Variants in RNF17 observed in about 807,000 individuals in gnomAD.
The protein encoded by RNF17 is spermatogenesis associated 23.
A neutral mutation model predicts 200.5 loss-of-function variants in RNF17; 31 were observed. The ratio of observed to expected loss-of-function variants is 0.15; its 90% CI spans 0.12 to 0.21. The LOEUF is 0.21. Ranked by LOEUF, RNF17 falls within the 10% of genes least tolerant of loss-of-function variation. The pLI, the probability that RNF17 is intolerant of heterozygous loss-of-function variation, is 1.00. For synonymous variants in RNF17, 606 were observed against 637.8 expected (o/e 0.95, Z 0.75); for missense variants, 1,628 against 1,905.1 (o/e 0.85, Z 2.71).
intron 5 of RNF17, among the ~76,000 whole-genome samples, chr13:24,781,469 C>T (rs1882362562): frequency 6.6e-6 from 1 of 151,548 alleles, no homozygotes; most frequent in African/African-American, 2.4e-5. Flanking sequence ...TTGTTCCTCC[C>T]CACCACCAAA....
chr13:24,782,986 A>G (rs1246933350), intron 6 of RNF17, among the ~76,000 whole-genome samples: 1 of 152,130 alleles, frequency 6.6e-6, no homozygotes, highest in East Asian at 1.9e-4. Context: ...ATCTAACATC[A>G]TGATGCCTTT....
intron 31 of RNF17, 44 bp downstream of exon 31, chr13:24,868,760 G>T (rs1277383673): frequency 7.6e-6 from 8 of 1,052,238 alleles, no homozygotes; most frequent in Non-Finnish European, 1.2e-5. Context: ...AATGTAACAA[G>T]CTGTCTTGGT....
At chr13:24,780,993 G>A (rs1485793802) in intron 5 of RNF17, among the ~76,000 whole-genome samples, 1 of 152,134 alleles carries the variant, frequency 6.6e-6, no homozygotes, top group East Asian at 1.9e-4. Context: ...TCCACTATGA[G>A]CCTGTGAAAC....
chr13:24,787,121 A>T (rs1883214436), intron 6 of RNF17, among the ~76,000 whole-genome samples: 1 of 151,992 alleles, frequency 6.6e-6, no homozygotes. Context: ...GATTTTTTAA[A>T]ATTACAATTA....
At chr13:24,791,702 G>C (rs573491129) in intron 9 of RNF17, among the ~76,000 whole-genome samples, 10 of 152,152 alleles carry the variant, frequency 6.6e-5, no homozygotes, top group African/African-American at 2.2e-4. Flanking sequence ...AATTAGTCTG[G>C]CTCACAGTAT....
At chr13:24,749,672 A>G in the RNF17 span, among the ~76,000 whole-genome samples, 1 of 152,198 alleles carries the variant, frequency 6.6e-6, no homozygotes, top group African/African-American at 2.4e-5. Context: ...TGAGAACCCA[A>G]AAGCTAATGG....
At chr13:24,874,370 G>A (rs895679687) in intron 33 of RNF17, 121 bp downstream of exon 33, 26 of 789,628 alleles carry the variant, frequency 3.3e-5, no homozygotes, top group Non-Finnish European at 4.0e-5. Context: ...TATAAATTAG[G>A]AATTTTTTTC....
the RNF17 span, among the ~76,000 whole-genome samples, chr13:24,754,639 C>G: frequency 1.3e-5 from 2 of 152,102 alleles, no homozygotes; most frequent in Non-Finnish European, 2.9e-5. Context: ...ACCTGTAGTC[C>G]CGCACTTTGG....
intron 3 of RNF17, among the ~76,000 whole-genome samples, chr13:24,777,065 G>A (rs1881675527): frequency 6.6e-6 from 1 of 152,040 alleles, no homozygotes; most frequent in African/African-American, 2.4e-5. Context: ...TTTAGAAACT[G>A]CTATTCTCTA....
intron 3 of RNF17, 103 bp downstream of exon 3, chr13:24,775,007 C>A: frequency 1.4e-6 from 1 of 738,508 alleles, no homozygotes. Context: ...CATTTCTAAC[C>A]TACTGTTTAT....
intron 15 of RNF17, among the ~76,000 whole-genome samples, chr13:24,820,423 T>TTTTGA (rs1887913415): frequency 6.7e-6 from 1 of 149,736 alleles, no homozygotes; most frequent in South Asian, 2.1e-4. Context: ...CACCTGGCCT[T>TTTTGA]TTTGTTTTGT....
intron 15 of RNF17, among the ~76,000 whole-genome samples, chr13:24,811,658 C>T (rs1024432671): frequency 5.3e-5 from 8 of 152,170 alleles, no homozygotes; most frequent in East Asian, 1.9e-4. Context: ...AGTCATTCTC[C>T]GTCCCGCTTT....
chr13:24,804,220 A>T, intron 14 of RNF17, 68 bp from the exon 15 acceptor site: 2 of 1,428,398 alleles, frequency 1.4e-6, no homozygotes, highest in Non-Finnish European at 1.9e-6. Flanking sequence ...CCATGATAGC[A>T]CCACTGCACT....
At chr13:24,809,604 T>C (rs1321903196) in intron 15 of RNF17, among the ~76,000 whole-genome samples, 1 of 152,078 alleles carries the variant, frequency 6.6e-6, no homozygotes, top group African/African-American at 2.4e-5. Flanking sequence ...CCTGGATTCA[T>C]TAATTTTTTG....
intron 10 of RNF17, among the ~76,000 whole-genome samples, chr13:24,795,924 C>A (rs1279504389): frequency 6.6e-6 from 1 of 152,166 alleles, no homozygotes; most frequent in Non-Finnish European, 1.5e-5. Flanking sequence ...GAAGTATTTG[C>A]AGTTCAGGTT....
Position 24,773,538 on chromosome 13 carries a change from G to A in RNF17, c.226-1275G>A, listed in dbSNP as rs968067209. Among the ~76,000 whole-genome samples, 12 of 152,126 alleles carry A rather than the reference G, an allele frequency of 7.9e-5. 1 individual carries two copies. The highest frequency in any genetic ancestry group is 1.6e-4 in the Non-Finnish European group (11 of 68,026). On this transcript the variant is annotated intron_variant, in intron 2 of 35. Coordinates refer to ENST00000255324, the MANE Select transcript of RNF17 (RefSeq NM_031277.3). Reference sequence around the variant, plus strand: ...CATAAACGTGGAAACAGTAGACACTGGGGACTGCTAGAGAGAGGAGGGGAG... The same window carrying A: ...CATAAACGTGGAAACAGTAGACACTAGGGACTGCTAGAGAGAGGAGGGGAG...
chr13:24,885,331 T>C, the RNF17 span: 2 of 1,613,878 alleles, frequency 1.2e-6, no homozygotes, highest in Non-Finnish European at 1.7e-6. Flanking sequence ...CTCCTCCTCT[T>C]TATATTCAGG....
chr13:24,781,941 C>T lies in RNF17; in HGVS notation c.608C>T (p.Ser203Phe), dbSNP rs200367318. The T allele has an allele frequency of 4.4e-6, 7 of 1,584,506 alleles. No individual in the cohort carries two copies. In the Admixed American group the frequency reaches 1.2e-4, roughly 27 times the overall value. Reference sequence around the variant, plus strand: ...GACCAACTTTTGGCTTTTTTTGATTCCAGGTTAGTAACTTAAAAATATGGA... The same window carrying T: ...GACCAACTTTTGGCTTTTTTTGATTTCAGGTTAGTAACTTAAAAATATGGA... Reference protein sequence around the residue: ...QFDQLLAFFDSRKKNLCEEFA... With the variant: ...QFDQLLAFFDFRKKNLCEEFA... The change falls in exon 6 of 36, where the codon TCC becomes TTC. Residue 203 changes from serine to phenylalanine, a missense_variant. Ser to Phe is a radical substitution (Grantham distance 155, BLOSUM62 -2). This residue lies in a region of RNF17 where 502 missense variants were observed against 501.7 expected (regional missense o/e 1.00). Coordinates refer to ENST00000255324, the MANE Select transcript of RNF17 (RefSeq NM_031277.3).
At chr13:24,868,426 C>T (rs1394770867) in intron 30 of RNF17, among the ~76,000 whole-genome samples, 174 bp from the exon 31 acceptor site, 4 of 133,526 alleles carry the variant, frequency 3.0e-5, no homozygotes, top group Non-Finnish European at 6.3e-5. Context: ...GCCGAGATCC[C>T]GCCACTGCAC....
Sources: allele counts gnomAD v4.1 joint callset (sites outside exome capture counted in the v4.1 genomes callset), GRCh38; gene constraint gnomAD v4.1.1; regional missense constraint gnomAD v4.1.1; transcripts MANE v1.5; gene names NCBI Gene and HGNC (gene_info 2026-07-23, HGNC 2026-07-21).